Variants in VEPH1 observed in about 807,000 individuals in gnomAD.
VEPH1 encodes the protein ventricular zone-expressed PH domain-containing protein homolog 1.
Under a neutral mutation model 85.2 loss-of-function variants are expected in VEPH1, and 80 were observed. That is an observed-to-expected ratio of 0.94 (90% CI 0.78 to 1.13). The LOEUF is 1.13. Among genes scored for constraint, VEPH1 ranks in the 50% most tolerant of loss-of-function variants. The pLI is 0.00. For synonymous variants in VEPH1, 297 were observed against 348.0 expected, an observed-to-expected ratio of 0.85 and a Z score of 1.63; for missense variants, 955 against 980.5, an observed-to-expected ratio of 0.97 and a Z score of 0.35.
At chr3:157,448,470 G>A (rs560763920) in intron 4 of VEPH1, among the ~76,000 whole-genome samples, 1 of 152,316 alleles carries the variant, frequency 6.6e-6, no homozygotes, top group South Asian at 2.1e-4. Context: ...GGTGTTCATT[G>A]CATTATGGAG....
At chr3:157,384,208 C>T (rs1729063206) in intron 6 of VEPH1, among the ~76,000 whole-genome samples, 2 of 152,152 alleles carry the variant, frequency 1.3e-5, no homozygotes, top group African/African-American at 4.8e-5. Flanking sequence ...AAATAGTGTA[C>T]TTAGGACACA....
intron 9 of VEPH1, among the ~76,000 whole-genome samples, chr3:157,357,515 T>C (rs2108746913): frequency 6.6e-6 from 1 of 151,930 alleles, no homozygotes; most frequent in African/African-American, 2.4e-5. Flanking sequence ...TTTTTTGAGA[T>C]AGAGTCTTGC....
chr3:157,381,549 C>T, intron 6 of VEPH1, 173 bp from the exon 7 acceptor site: 2 of 619,674 alleles, frequency 3.2e-6, no homozygotes, highest in South Asian at 4.0e-5. Flanking sequence ...AACACCCCAT[C>T]TCAACTTAAA....
At chr3:157,494,839 T>A (rs1013058607) in intron 2 of VEPH1, among the ~76,000 whole-genome samples, 1 of 152,152 alleles carries the variant, frequency 6.6e-6, no homozygotes, top group African/African-American at 2.4e-5. Context: ...CCTGCTCTTG[T>A]TTACTGATGC....
chr3:157,315,715 A>G (rs182666067), intron 10 of VEPH1: 3 of 152,150 alleles, frequency 2.0e-5, no homozygotes, highest in Admixed American at 6.5e-5. Flanking sequence ...CTTTTTGGTG[A>G]TTTTGCTTAA....
intron 2 of VEPH1, chr3:157,489,012 G>T: frequency 5.8e-6 from 2 of 345,700 alleles, no homozygotes; most frequent in African/African-American, 2.5e-5. Flanking sequence ...AAATCCTGTT[G>T]GTCCTATCTT....
intron 9 of VEPH1, among the ~76,000 whole-genome samples, chr3:157,343,315 A>T (rs1171484760): frequency 6.6e-6 from 1 of 152,236 alleles, no homozygotes; most frequent in East Asian, 1.9e-4. Flanking sequence ...GAAGAATCAA[A>T]TAGAAGCAAT....
intron 4 of VEPH1, among the ~76,000 whole-genome samples, chr3:157,440,674 G>A (rs1232962580): frequency 1.3e-5 from 2 of 151,364 alleles, no homozygotes; most frequent in Middle Eastern, 3.4e-3. Context: ...GTATATATAC[G>A]TATACATACA....
chr3:157,331,687 T>C (rs865982925), intron 9 of VEPH1, among the ~76,000 whole-genome samples: 1 of 152,174 alleles, frequency 6.6e-6, no homozygotes, highest in Non-Finnish European at 1.5e-5. Flanking sequence ...CTTTCATGGT[T>C]TGTGTATGTT....
chr3:157,282,120 T>TTAAA (rs1716208124), intron 12 of VEPH1, among the ~76,000 whole-genome samples: 1 of 152,224 alleles, frequency 6.6e-6, no homozygotes, highest in Non-Finnish European at 1.5e-5. Flanking sequence ...CCATCTCCAT[T>TTAAA]TGCCCATGTA....
chr3:157,356,748 C>T (rs143512664), intron 9 of VEPH1, among the ~76,000 whole-genome samples: 10 of 152,190 alleles, frequency 6.6e-5, no homozygotes, highest in Non-Finnish European at 8.8e-5. Flanking sequence ...TGTTTCCCTA[C>T]AGGGCATATA....
At position 157,308,564 on chromosome 3, in the gene VEPH1, C is replaced by T. The variant is rs183675392; in HGVS notation, c.2010+5057G>A. Among the ~76,000 whole-genome samples the T allele has an allele frequency of 2.8e-3, 427 of 151,330 alleles. 3 individuals are homozygous for T. The highest frequency in any genetic ancestry group is 9.9e-3 in the African/African-American group (409 of 41,364). On this transcript the variant is annotated intron_variant, in intron 11 of 13. Transcript: ENST00000362010. Reference sequence around the variant, plus strand: ...GTGTGCTTAAATGTTTTGGAATGTCCTTTTTTTTGCCCCTCTCAAAAATTT... The same window carrying T: ...GTGTGCTTAAATGTTTTGGAATGTCTTTTTTTTTGCCCCTCTCAAAAATTT...
chr3:157,449,741 A>C (rs1213278731), intron 4 of VEPH1, among the ~76,000 whole-genome samples: 2 of 152,104 alleles, frequency 1.3e-5, no homozygotes, highest in Non-Finnish European at 1.5e-5. Context: ...ATTTTATCAA[A>C]ATTTCACTAA....
intron 9 of VEPH1, among the ~76,000 whole-genome samples, chr3:157,327,876 C>T (rs537129147): frequency 5.9e-4 from 90 of 152,298 alleles, no homozygotes; most frequent in African/African-American, 2.0e-3. Flanking sequence ...AATGTTTCTG[C>T]CCTGAGAGAG....
chr3:157,269,967 G>T (rs572056704), intron 12 of VEPH1, among the ~76,000 whole-genome samples: 1 of 151,330 alleles, frequency 6.6e-6, no homozygotes, highest in South Asian at 2.1e-4. Context: ...TTGGCCAGGT[G>T]TGGTGGCTCA....
chr3:157,334,321 C>A (rs1436057410), intron 9 of VEPH1, among the ~76,000 whole-genome samples: 1 of 152,090 alleles, frequency 6.6e-6, no homozygotes, highest in African/African-American at 2.4e-5. Flanking sequence ...AATTTGAAAG[C>A]CAATTTTAGA....
chr3:157,404,924 T>C (rs1163308482), intron 6 of VEPH1, among the ~76,000 whole-genome samples: 1 of 152,220 alleles, frequency 6.6e-6, no homozygotes, highest in Admixed American at 6.5e-5. Flanking sequence ...CTGCTGCCAA[T>C]GCCCAGTTGT....
intron 6 of VEPH1, among the ~76,000 whole-genome samples, chr3:157,407,836 A>C (rs143603271): frequency 3.3e-5 from 5 of 152,200 alleles, no homozygotes; most frequent in African/African-American, 1.2e-4. Context: ...ACTGTTCCAC[A>C]TGGGTTAACT....
intron 4 of VEPH1, chr3:157,438,062 CA>C: frequency 1.3e-6 from 1 of 755,392 alleles, no homozygotes; most frequent in Non-Finnish European, 2.1e-6. Context: ...CACACACACA[CA>C]CACACACACC....
Sources: gnomAD v4.1 joint callset for allele counts (sites outside exome capture counted in the v4.1 genomes callset) on GRCh38, gnomAD v4.1.1 for gene constraint, MANE v1.5 for transcripts, NCBI Gene and HGNC (gene_info 2026-07-23, HGNC 2026-07-21) for gene names.